ARHGAP5: variants seen among roughly 807,000 people sequenced by gnomAD.
ARHGAP5 encodes the protein Rho GTPase activating protein 5, also known as rho GTPase-activating protein 5.
ARHGAP5 carries 23 observed loss-of-function variants against 116.6 expected under a neutral mutation model. That is an observed-to-expected ratio of 0.20 (90% CI 0.14 to 0.28). ARHGAP5 has a LOEUF of 0.28. ARHGAP5 is among the 10% of genes least tolerant of loss of function. The probability of loss-of-function intolerance (pLI) is 1.00; values close to 1 mark genes in which losing one functional copy is unlikely to be tolerated. For missense variants in ARHGAP5, 1,405 were observed against 1,774.8 expected (o/e 0.79, Z 3.74); for synonymous variants, 574 against 602.0 (o/e 0.95, Z 0.68).
intron 2 of ARHGAP5, 100 bp downstream of exon 2, chr14:32,094,486 A>C (rs1878428690): frequency 2.3e-6 from 2 of 859,360 alleles, no homozygotes; most frequent in South Asian, 4.6e-5. Context: ...TTCATTCCAT[A>C]CATAATAATT....
chr14:32,132,943 G>A (rs974366059), intron 3 of ARHGAP5, among the ~76,000 whole-genome samples: 52 of 152,222 alleles, frequency 3.4e-4, no homozygotes, highest in Admixed American at 4.6e-4. Context: ...CCATTGGTCT[G>A]TATGTCTGTT....
chr14:32,129,335 A>G (rs1880357053), intron 3 of ARHGAP5, among the ~76,000 whole-genome samples: 1 of 152,106 alleles, frequency 6.6e-6, no homozygotes. Context: ...CTGAGGTATT[A>G]CTGTATTTGC....
intron 5 of ARHGAP5, 77 bp from the exon 6 acceptor site, chr14:32,152,346 A>AAT (rs1277667091): frequency 2.1e-6 from 2 of 963,676 alleles, no homozygotes; most frequent in African/African-American, 3.4e-5. Flanking sequence ...TGTTATAGTA[A>AAT]ATATAGCAGG....
Position 32,156,581 on chromosome 14 carries a change from C to T in ARHGAP5, c.*1633C>T, listed in dbSNP as rs1037950071. 4 of 152,100 alleles carry T rather than the reference C, an allele frequency of 2.6e-5. No homozygotes were observed. The highest frequency in any genetic ancestry group is 9.7e-5 in the African/African-American group (4 of 41,352). 9.4% of individuals were successfully genotyped at this position (152,100 alleles called of 1,614,324 possible). On this transcript the variant is annotated 3_prime_UTR_variant, in exon 7 of 7. Coordinates refer to ENST00000345122, the MANE Select transcript of ARHGAP5 (RefSeq NM_001030055.2). Reference sequence around the variant, plus strand: ...TATCTTTTCTAAGAAAACAAAGTCCCTATTATTCCTATTGCAAAGCACACA... The same window carrying T: ...TATCTTTTCTAAGAAAACAAAGTCCTTATTATTCCTATTGCAAAGCACACA...
chr14:32,083,063 C>T (rs1231980840), intron 1 of ARHGAP5, among the ~76,000 whole-genome samples: 3 of 152,226 alleles, frequency 2.0e-5, no homozygotes, highest in African/African-American at 7.2e-5. Flanking sequence ...CTGTGGTCAG[C>T]CATTCTACCC....
intron 2 of ARHGAP5, among the ~76,000 whole-genome samples, chr14:32,095,636 T>C (rs1310585418): frequency 2.6e-5 from 4 of 152,110 alleles, no homozygotes; most frequent in African/African-American, 9.7e-5. Context: ...GGTCTTGAAC[T>C]CCTGACCTCA....
At chr14:32,096,275 T>C (rs984639024) in intron 2 of ARHGAP5, among the ~76,000 whole-genome samples, 1 of 152,246 alleles carries the variant, frequency 6.6e-6, no homozygotes, top group Non-Finnish European at 1.5e-5. Flanking sequence ...TTTTCCATAC[T>C]GCTGCATAGT....
chr14:32,098,932 G>A (rs2139033515), intron 2 of ARHGAP5, among the ~76,000 whole-genome samples: 1 of 152,302 alleles, frequency 6.6e-6, no homozygotes, highest in South Asian at 2.1e-4. Flanking sequence ...CTCGGTTACA[G>A]TGTGAAGAAT....
At chr14:32,088,885 A>G (rs981312428) in intron 1 of ARHGAP5, among the ~76,000 whole-genome samples, 15 of 152,110 alleles carry the variant, frequency 9.9e-5, no homozygotes, top group Non-Finnish European at 1.8e-4. Flanking sequence ...TCTGTTTTAT[A>G]GATGAAGGAA....
intron 3 of ARHGAP5, among the ~76,000 whole-genome samples, chr14:32,138,434 C>A (rs763028680): frequency 1.3e-5 from 2 of 152,146 alleles, no homozygotes; most frequent in Non-Finnish European, 2.9e-5. Context: ...CAGGTGGGTG[C>A]CACTGCACCT....
At chr14:32,102,424 G>A (rs903149068) in intron 2 of ARHGAP5, among the ~76,000 whole-genome samples, 19 of 152,172 alleles carry the variant, frequency 1.2e-4, no homozygotes, top group African/African-American at 4.1e-4. Flanking sequence ...CTACAAAAAT[G>A]TAAAATCTCA....
Position 32,093,965 on chromosome 14 carries a change from T to G in ARHGAP5, c.3296T>G (p.Phe1099Cys). Reference sequence around the variant, plus strand: ...TATGCGGAACCCATTGATACAATTTTCAAACAGAAGGGCTATTCTGATGAG... The same window carrying G: ...TATGCGGAACCCATTGATACAATTTGCAAACAGAAGGGCTATTCTGATGAG... ...DNYAEPIDTI[F>C]KQKGYSDEIY... The change falls in exon 2 of 7, where the codon TTC (phenylalanine) becomes TGC (cysteine). Residue 1099 changes from phenylalanine to cysteine, a missense_variant. By Grantham distance (205) the Phe-to-Cys change is radical. Around this residue, in one of 6 missense-constraint regions of ARHGAP5, gnomAD observed 944 missense variants for 1,095.3 expected, o/e 0.86. Transcript: ENST00000345122. 6.2e-7 allele frequency: 1 copy of G among 1,613,850 alleles called. No individual in the cohort carries two copies. The highest frequency in any genetic ancestry group is 8.5e-7 in the Non-Finnish European group (1 of 1,179,950).
At chr14:32,122,704 G>T (rs1174540389) in intron 3 of ARHGAP5, among the ~76,000 whole-genome samples, 1 of 152,148 alleles carries the variant, frequency 6.6e-6, no homozygotes, top group Non-Finnish European at 1.5e-5. Flanking sequence ...TTAAGGAAAG[G>T]TTCCAGCTTG....
chr14:32,092,765 T>C lies in ARHGAP5; in HGVS notation c.2096T>C (p.Ile699Thr). 6.2e-7 allele frequency: 1 copy of C among 1,613,992 alleles called. No individual in the cohort carries two copies. Among genetic ancestry groups the C allele is most frequent in the Non-Finnish European group, 8.5e-7 (1 of 1,179,900 alleles). The change falls in exon 2 of 7, where the codon ATT (isoleucine) becomes ACT (threonine). Residue 699 changes from isoleucine to threonine, a missense_variant. Ile to Thr is a moderately conservative substitution (Grantham distance 89). Around this residue, in one of 6 missense-constraint regions of ARHGAP5, gnomAD observed 944 missense variants for 1,095.3 expected, o/e 0.86. Coordinates refer to ENST00000345122, the MANE Select transcript of ARHGAP5 (RefSeq NM_001030055.2). This position sits in a 1 kb window ranked among gnomAD's most constrained non-coding sequence, Gnocchi z 4.1. ...ATGGCTAATCTTCCATTTACATTAATTCTGGCTAATCAGAGAGATTCCATT... is the reference window on the plus strand; with the variant it reads ...ATGGCTAATCTTCCATTTACATTAACTCTGGCTAATCAGAGAGATTCCATT... ...KYMANLPFTL[I>T]LANQRDSISK...
chr14:32,111,142 C>G (rs929527204), intron 2 of ARHGAP5, among the ~76,000 whole-genome samples: 1 of 152,186 alleles, frequency 6.6e-6, no homozygotes, highest in African/African-American at 2.4e-5. Flanking sequence ...GTGGCTCAAC[C>G]TGTAATTCCA....
At chr14:32,113,347 A>G (rs1179637791) in intron 2 of ARHGAP5, among the ~76,000 whole-genome samples, 3 of 152,124 alleles carry the variant, frequency 2.0e-5, no homozygotes, top group African/African-American at 7.2e-5. Context: ...TAGCAGTGTC[A>G]TTAATTAGTG....
intron 3 of ARHGAP5, among the ~76,000 whole-genome samples, chr14:32,131,292 A>G (rs892915435): frequency 1.5e-5 from 1 of 67,974 alleles, no homozygotes; most frequent in South Asian, 4.1e-4. Context: ...ATTTTATTTT[A>G]TTTTTGCATT....
At chr14:32,100,809 A>G (rs1156512974) in intron 2 of ARHGAP5, among the ~76,000 whole-genome samples, 1 of 152,130 alleles carries the variant, frequency 6.6e-6, no homozygotes, top group Non-Finnish European at 1.5e-5. Context: ...GTAACCTACT[A>G]GTGTTTGAAA....
At chr14:32,079,383 C>T (rs768685880) in intron 1 of ARHGAP5, among the ~76,000 whole-genome samples, 3 of 152,068 alleles carry the variant, frequency 2.0e-5, no homozygotes, top group African/African-American at 7.2e-5. Flanking sequence ...AGTGTCCCTC[C>T]CCATTTAAAC....
Sources: allele counts gnomAD v4.1 joint callset (sites outside exome capture counted in the v4.1 genomes callset), GRCh38; gene constraint gnomAD v4.1.1; regional missense constraint gnomAD v4.1.1; non-coding constraint Gnocchi (gnomAD v3.1); transcripts MANE v1.5; gene names NCBI Gene and HGNC (gene_info 2026-07-23, HGNC 2026-07-21).